Variants in CNTNAP2 observed in about 807,000 individuals in gnomAD.
The protein encoded by CNTNAP2 is contactin-associated protein-like 2.
A neutral mutation model predicts 155.2 loss-of-function variants in CNTNAP2; 98 were observed. The observed-to-expected ratio is 0.63, with a 90% CI of 0.54 to 0.75. The LOEUF (loss-of-function observed/expected upper bound fraction) is 0.75. Among genes scored for constraint, CNTNAP2 ranks in the 30% least tolerant of loss-of-function variants. The probability of loss-of-function intolerance (pLI) is 0.00; values close to 1 mark genes in which losing one functional copy is unlikely to be tolerated. For synonymous variants in CNTNAP2, 651 were observed against 631.2 expected (o/e 1.03, Z -0.47); for missense variants, 1,727 against 1,688.1 (o/e 1.02, Z -0.40).
At chr7:148,388,021 A>G (rs1799256164) in intron 22 of CNTNAP2, among the ~76,000 whole-genome samples, 2 of 152,150 alleles carry the variant, frequency 1.3e-5, no homozygotes. Flanking sequence ...ATAGGGCCTA[A>G]AAAAAGGGGA....
At chr7:146,761,510 G>A (rs1802099751) in intron 1 of CNTNAP2, among the ~76,000 whole-genome samples, 1 of 152,130 alleles carries the variant, frequency 6.6e-6, no homozygotes, top group Admixed American at 6.6e-5. Context: ...TGTTTGTTCT[G>A]TTGTTGTTGC....
intron 12 of CNTNAP2, among the ~76,000 whole-genome samples, chr7:147,564,952 A>G (rs550458574): frequency 7.4e-4 from 112 of 152,214 alleles, no homozygotes; most frequent in Non-Finnish European, 1.2e-3. Flanking sequence ...CCACTAACCA[A>G]CCCTTCCTTT....
At chr7:147,520,693 T>C (rs1799216252) in intron 11 of CNTNAP2, among the ~76,000 whole-genome samples, 1 of 152,208 alleles carries the variant, frequency 6.6e-6, no homozygotes, top group Non-Finnish European at 1.5e-5. Context: ...TTGACCCTAA[T>C]GAGTGTCGTT....
At chr7:148,096,695 G>T (rs564660085) in intron 15 of CNTNAP2, among the ~76,000 whole-genome samples, 21 of 152,174 alleles carry the variant, frequency 1.4e-4, no homozygotes, top group South Asian at 4.2e-4. Context: ...CACTCCTAAA[G>T]ACTGTCCAGT....
intron 11 of CNTNAP2, among the ~76,000 whole-genome samples, chr7:147,490,576 G>A (rs531438164): frequency 4.6e-5 from 7 of 152,254 alleles, no homozygotes; most frequent in Admixed American, 2.6e-4. Context: ...CTAACATAGA[G>A]CATAAAGACC....
intron 1 of CNTNAP2, among the ~76,000 whole-genome samples, chr7:146,360,396 G>A (rs184227480): frequency 3.3e-5 from 5 of 152,210 alleles, no homozygotes; most frequent in East Asian, 3.9e-4. Flanking sequence ...GTGTAAAAAC[G>A]TCACAAGGAA....
chr7:147,880,826 G>C (rs10267612), intron 13 of CNTNAP2, among the ~76,000 whole-genome samples: 2,312 of 150,454 alleles, frequency 0.015, 60 homozygotes, highest in African/African-American at 0.051. Context: ...CCTTAACAAA[G>C]ACCATTTTCA....
chr7:146,721,413 CTATATATACATTCTATATAT>C (rs1563203562), intron 1 of CNTNAP2, among the ~76,000 whole-genome samples: 2 of 119,376 alleles, frequency 1.7e-5, no homozygotes, highest in African/African-American at 6.6e-5. Flanking sequence ...TATATATATT[CTATATATACATTCTATATAT>C]ATTCTATATA....
chr7:146,352,750 G>GTTTTTTTTT (rs531124445), intron 1 of CNTNAP2, among the ~76,000 whole-genome samples: 1,236 of 64,294 alleles, frequency 0.019, 340 homozygotes, highest in African/African-American at 0.055. Context: ...GCATAATTCT[G>GTTTTTTTTT]TTTTTTTTTT....
chr7:147,495,607 GT>G (rs2116656993), intron 11 of CNTNAP2, among the ~76,000 whole-genome samples: 1 of 152,334 alleles, frequency 6.6e-6, no homozygotes, highest in South Asian at 2.1e-4. Context: ...GGTTATAAAT[GT>G]AATACTGTGA....
At chr7:148,414,003 A>G (rs781624955) in intron 23 of CNTNAP2, among the ~76,000 whole-genome samples, 8 of 151,452 alleles carry the variant, frequency 5.3e-5, no homozygotes, top group Non-Finnish European at 1.2e-4. Context: ...TTTTAATTGG[A>G]GTGTTTAGAT....
intron 10 of CNTNAP2, among the ~76,000 whole-genome samples, chr7:147,432,809 A>C (rs547752842): frequency 6.6e-6 from 1 of 152,218 alleles, no homozygotes; most frequent in East Asian, 1.9e-4. Context: ...TCACCTCCCT[A>C]CAGAGGCCTT....
At chr7:147,919,459 C>CTTTCTTTCTTTTTTTTTTTTTT (rs58537091) in intron 14 of CNTNAP2, among the ~76,000 whole-genome samples, 8 of 51,228 alleles carry the variant, frequency 1.6e-4, no homozygotes, top group African/African-American at 8.6e-4. Flanking sequence ...CTTTTTCTTT[C>CTTTCTTTCTTTTTTTTTTTTTT]TTTTTTTTTT....
At chr7:146,313,062 G>T (rs1321701281) in intron 1 of CNTNAP2, among the ~76,000 whole-genome samples, 3 of 152,040 alleles carry the variant, frequency 2.0e-5, no homozygotes, top group African/African-American at 7.2e-5. Flanking sequence ...CACTACCTTT[G>T]GAATATATCC....
At chr7:146,211,513 G>T (rs1799035360) in intron 1 of CNTNAP2, among the ~76,000 whole-genome samples, 1 of 152,048 alleles carries the variant, frequency 6.6e-6, no homozygotes, top group South Asian at 2.1e-4. Flanking sequence ...GGCCCACTTA[G>T]ATGTATTTTT....
At chr7:148,019,827 C>A (rs1802249219) in intron 15 of CNTNAP2, among the ~76,000 whole-genome samples, 1 of 152,084 alleles carries the variant, frequency 6.6e-6, no homozygotes, top group Non-Finnish European at 1.5e-5. Context: ...ACTCTTGTCA[C>A]TCAGGCTGGA....
intron 18 of CNTNAP2, among the ~76,000 whole-genome samples, chr7:148,182,509 A>G (rs1395037278): frequency 6.6e-6 from 1 of 152,174 alleles, no homozygotes; most frequent in East Asian, 1.9e-4. Flanking sequence ...GGCCTTAGCA[A>G]CTGGGCTCAT....
At chr7:146,901,325 T>C (rs897922062) in intron 3 of CNTNAP2, among the ~76,000 whole-genome samples, 2 of 152,186 alleles carry the variant, frequency 1.3e-5, no homozygotes, top group Non-Finnish European at 2.9e-5. Context: ...TCCAGATGTT[T>C]GCTAAGAATA....
intron 1 of CNTNAP2, among the ~76,000 whole-genome samples, chr7:146,539,979 G>T (rs1184588583): frequency 6.6e-6 from 1 of 152,076 alleles, no homozygotes; most frequent in East Asian, 1.9e-4. Flanking sequence ...CTTGAAAAGG[G>T]AAGTCAGAGG....
Sources: gnomAD v4.1 joint callset for allele counts (sites outside exome capture counted in the v4.1 genomes callset) on GRCh38, gnomAD v4.1.1 for gene constraint, MANE v1.5 for transcripts, NCBI Gene and HGNC (gene_info 2026-07-23, HGNC 2026-07-21) for gene names.